Variants in TIAM1 observed in about 807,000 individuals in gnomAD.
The protein encoded by TIAM1 is TIAM Rac1 associated GEF 1, also known as rho guanine nucleotide exchange factor TIAM1.
Under a neutral mutation model 163.5 loss-of-function variants are expected in TIAM1, and 65 were observed. The ratio of observed to expected loss-of-function variants is 0.40; its 90% CI spans 0.33 to 0.49. TIAM1 has a LOEUF of 0.49. Among genes scored for constraint, TIAM1 ranks in the 20% least tolerant of loss-of-function variants. The pLI is 0.77. For missense variants in TIAM1, 1,789 were observed against 2,044.7 expected, an observed-to-expected ratio of 0.87 and a Z score of 2.41; for synonymous variants, 833 against 810.1, an observed-to-expected ratio of 1.03 and a Z score of -0.48.
chr21:31,151,721 T>C (rs1207499115), intron 19 of TIAM1, among the ~76,000 whole-genome samples: 2 of 152,206 alleles, frequency 1.3e-5, no homozygotes, highest in Non-Finnish European at 2.9e-5. Flanking sequence ...CATATTCTAC[T>C]GCACAATTAT....
At chr21:31,177,985 T>C (rs2084845548) in intron 15 of TIAM1, among the ~76,000 whole-genome samples, 1 of 152,178 alleles carries the variant, frequency 6.6e-6, no homozygotes, top group African/African-American at 2.4e-5. Context: ...ACTCAGGATG[T>C]TTCCTATTTT....
chr21:31,257,175 C>G (rs561434365), intron 4 of TIAM1, among the ~76,000 whole-genome samples: 1 of 152,324 alleles, frequency 6.6e-6, no homozygotes, highest in African/African-American at 2.4e-5. Context: ...TAATTGCCAT[C>G]CCTGATTTGC....
chr21:31,348,671 C>T (rs570836280), upstream of TIAM1, among the ~76,000 whole-genome samples: 5 of 152,258 alleles, frequency 3.3e-5, no homozygotes, highest in South Asian at 2.1e-4. Context: ...CCACACACTC[C>T]CATGCTAGGT....
At chr21:31,366,963 G>A (rs1301530376) in intron 2 of TIAM1, among the ~76,000 whole-genome samples, 1 of 152,116 alleles carries the variant, frequency 6.6e-6, no homozygotes, top group Non-Finnish European at 1.5e-5. Context: ...GTATGCCAGG[G>A]TCAAATCTGT....
chr21:31,233,682 G>T, intron 6 of TIAM1, among the ~76,000 whole-genome samples: 1 of 152,238 alleles, frequency 6.6e-6, no homozygotes, highest in East Asian at 1.9e-4. Context: ...TCCAGCCTGG[G>T]CAACAAGAGC....
intron 2 of TIAM1, among the ~76,000 whole-genome samples, chr21:31,372,911 C>T (rs1389600756): frequency 6.6e-6 from 1 of 151,940 alleles, no homozygotes; most frequent in Non-Finnish European, 1.5e-5. Context: ...CAAAATTAGC[C>T]AGGCGTGGTG....
At chr21:31,457,759 C>A (rs1200836678) in intron 2 of TIAM1, among the ~76,000 whole-genome samples, 7 of 152,158 alleles carry the variant, frequency 4.6e-5, no homozygotes, top group African/African-American at 1.7e-4. Flanking sequence ...TTTCACTAAG[C>A]CAGTGGATCT....
At chr21:31,424,946 C>A (rs1242458594) in intron 2 of TIAM1, among the ~76,000 whole-genome samples, 1 of 151,692 alleles carries the variant, frequency 6.6e-6, no homozygotes, top group East Asian at 1.9e-4. Flanking sequence ...CCAGCTACTA[C>A]AGAGGCTGAG....
intron 6 of TIAM1, among the ~76,000 whole-genome samples, chr21:31,228,245 A>AAAATCTGATAAGGATTTTTCCTTT (rs2088156442): frequency 1.5e-5 from 1 of 67,090 alleles, no homozygotes. Flanking sequence ...AAAAAAAAAA[A>AAAATCTGATAAGGATTTTTCCTTT]AAAAAAAAAA....
At chr21:31,125,238 AG>A (rs951541806) in intron 26 of TIAM1, among the ~76,000 whole-genome samples, 1 of 149,848 alleles carries the variant, frequency 6.7e-6, no homozygotes, top group African/African-American at 2.4e-5. Context: ...AAAAAAAAAA[AG>A]TGCTTCCTAG....
intron 12 of TIAM1, among the ~76,000 whole-genome samples, chr21:31,201,200 A>G (rs1384339792): frequency 6.6e-6 from 1 of 152,230 alleles, no homozygotes; most frequent in Non-Finnish European, 1.5e-5. Context: ...TTCTAGTGTT[A>G]GCAGGAAAGC....
intron 2 of TIAM1, among the ~76,000 whole-genome samples, chr21:31,280,316 T>G (rs1302461049): frequency 6.6e-6 from 1 of 152,170 alleles, no homozygotes; most frequent in Non-Finnish European, 1.5e-5. Flanking sequence ...GTAAGTCTCA[T>G]GAGAGCTGAT....
chr21:31,254,316 C>A (rs975580479), intron 4 of TIAM1, among the ~76,000 whole-genome samples: 11 of 152,226 alleles, frequency 7.2e-5, no homozygotes, highest in Admixed American at 3.9e-4. Flanking sequence ...GAAGTTGAAA[C>A]CTATCCTTCC....
At chr21:31,347,912 G>A (rs1223670635), upstream of TIAM1, among the ~76,000 whole-genome samples, 2 of 152,234 alleles carry the variant, frequency 1.3e-5, no homozygotes, top group African/African-American at 2.4e-5. Flanking sequence ...ACAGACAGAA[G>A]AGGACTACAT....
At chr21:31,400,662 CAA>C (rs1330008099) in intron 2 of TIAM1, among the ~76,000 whole-genome samples, 1 of 152,172 alleles carries the variant, frequency 6.6e-6, no homozygotes, top group Non-Finnish European at 1.5e-5. Context: ...ACTTCGTTAC[CAA>C]AGTGACACAG....
At chr21:31,553,204 TGAG>T (rs559789982) in intron 1 of TIAM1, among the ~76,000 whole-genome samples, 85 of 152,288 alleles carry the variant, frequency 5.6e-4, no homozygotes, top group African/African-American at 2.0e-3. Context: ...GCAACAGGCA[TGAG>T]GAGGAGTGTC....
At chr21:31,342,480 G>T (rs2076050991) in intron 1 of TIAM1, among the ~76,000 whole-genome samples, 1 of 152,206 alleles carries the variant, frequency 6.6e-6, no homozygotes, top group Non-Finnish European at 1.5e-5. Context: ...ACAGTCACAT[G>T]TGACAATATC....
chr21:31,514,888 C>G (rs1486250099), intron 1 of TIAM1, among the ~76,000 whole-genome samples: 1 of 152,180 alleles, frequency 6.6e-6, no homozygotes, highest in Non-Finnish European at 1.5e-5. Context: ...AGACTTTGTT[C>G]CAGCGGAAAG....
Position 31,266,250 on chromosome 21 carries a change from A to G in TIAM1, c.723T>C (p.Ser241=). The G allele has an allele frequency of 6.2e-7, 1 of 1,614,184 alleles. No homozygotes were observed. Among genetic ancestry groups the G allele is most frequent in the Non-Finnish European group, 8.5e-7 (1 of 1,180,028 alleles). Residue 241 remains serine (S), a synonymous_variant, in exon 4 of 28, where the codon TCT becomes TCC. Transcript: ENST00000541036. ...SLGDLYAQKN[S]GVTANGGPGS... ...CCGGCCCCCCGTTTGCTGTCACTCCAGAGTTTTTCTGAGCATACAAGTCAC... is the reference window on the plus strand; with the variant it reads ...CCGGCCCCCCGTTTGCTGTCACTCCGGAGTTTTTCTGAGCATACAAGTCAC...
Sources: allele counts gnomAD v4.1 joint callset (sites outside exome capture counted in the v4.1 genomes callset), GRCh38; gene constraint gnomAD v4.1.1; transcripts MANE v1.5; gene names NCBI Gene and HGNC (gene_info 2026-07-23, HGNC 2026-07-21).